DYM: variants seen among roughly 807,000 people sequenced by gnomAD.
DYM encodes the protein dymeclin, also known as dyggve-Melchior-Clausen syndrome protein.
In DYM, 78 loss-of-function variants were observed where a neutral mutation model predicts 93.1. The observed-to-expected ratio is 0.84, with a 90% CI of 0.70 to 1.01. DYM has a LOEUF of 1.01. DYM is among the 50% of genes least tolerant of loss of function. The pLI is 0.00. For missense variants in DYM, 789 were observed against 845.0 expected, an observed-to-expected ratio of 0.93 and a Z score of 0.82; for synonymous variants, 321 against 319.7, an observed-to-expected ratio of 1.00 and a Z score of -0.04.
At chr18:49,396,214 T>C (rs2070055547) in intron 2 of DYM, among the ~76,000 whole-genome samples, 1 of 152,224 alleles carries the variant, frequency 6.6e-6, no homozygotes, top group Non-Finnish European at 1.5e-5. Context: ...TATTTCTTTA[T>C]AGCAACACAA....
intron 6 of DYM, among the ~76,000 whole-genome samples, chr18:49,352,010 T>C (rs1421913681): frequency 6.6e-6 from 1 of 152,200 alleles, no homozygotes; most frequent in Non-Finnish European, 1.5e-5. Flanking sequence ...AGACTACACG[T>C]AGAACTTTCA....
intron 17 of DYM, among the ~76,000 whole-genome samples, chr18:49,091,859 C>T (rs1038643370): frequency 2.0e-5 from 3 of 151,982 alleles, no homozygotes; most frequent in East Asian, 3.9e-4. Flanking sequence ...GTGATCTGCC[C>T]GCCTCCAGCT....
intron 8 of DYM, among the ~76,000 whole-genome samples, chr18:49,303,241 C>A (rs1407492786): frequency 6.6e-6 from 1 of 152,206 alleles, no homozygotes; most frequent in East Asian, 1.9e-4. Context: ...TTGCCCCTTT[C>A]TTTATGGTTC....
intron 17 of DYM, among the ~76,000 whole-genome samples, chr18:49,055,474 G>A (rs554125916): frequency 6.6e-6 from 1 of 152,316 alleles, no homozygotes; most frequent in South Asian, 2.1e-4. Context: ...TAGGAGGCTG[G>A]GAGAAGGAGA....
At chr18:49,284,921 T>C (rs1297213538) in intron 9 of DYM, among the ~76,000 whole-genome samples, 3 of 152,200 alleles carry the variant, frequency 2.0e-5, no homozygotes. Context: ...GTAGGGCCTT[T>C]ACAGTGTGAT....
At chr18:49,048,049 T>C (rs1408716308) in intron 17 of DYM, 2 of 152,336 alleles carry the variant, frequency 1.3e-5, no homozygotes, top group East Asian at 1.9e-4. Flanking sequence ...TGGGTCTGAC[T>C]GTGTGCAAAG....
chr18:49,427,507 TA>T (rs1168859923), intron 2 of DYM, among the ~76,000 whole-genome samples: 1 of 152,112 alleles, frequency 6.6e-6, no homozygotes, highest in African/African-American at 2.4e-5. Flanking sequence ...AAAATTTAAA[TA>T]TGGAAAAATT....
chr18:49,256,206 A>C (rs1034298286), intron 13 of DYM, among the ~76,000 whole-genome samples: 2 of 152,154 alleles, frequency 1.3e-5, no homozygotes, highest in Non-Finnish European at 2.9e-5. Context: ...GGACTTATGA[A>C]TGTTACCTTA....
intron 11 of DYM, among the ~76,000 whole-genome samples, chr18:49,265,613 T>C (rs184450174): frequency 1.4e-3 from 211 of 151,888 alleles, no homozygotes; most frequent in Middle Eastern, 3.4e-3. Flanking sequence ...ACCCTGTCTC[T>C]ACTTAAAATA....
At chr18:49,406,061 T>C (rs1350147657) in intron 2 of DYM, among the ~76,000 whole-genome samples, 1 of 152,230 alleles carries the variant, frequency 6.6e-6, no homozygotes, top group Non-Finnish European at 1.5e-5. Flanking sequence ...CTACTGATTT[T>C]TGTACATTGA....
chr18:49,347,184 TC>T lies in DYM; in HGVS notation c.495-13332del, dbSNP rs2064674686. Among the ~76,000 whole-genome samples, 3 of 152,208 alleles carry T rather than the reference TC, an allele frequency of 2.0e-5. No individual in the cohort carries two copies. In the South Asian group the frequency reaches 6.2e-4, roughly 32 times the overall value. On this transcript the variant is annotated intron_variant, in intron 6 of 17. Transcript: ENST00000675505. ...CAAATTATCATTAAGTTGTAGGTCA[TC>T]CCTATATTTGTGAAAAATTATAAGG...
At chr18:49,269,724 T>G (rs914491078) in intron 11 of DYM, among the ~76,000 whole-genome samples, 1 of 152,222 alleles carries the variant, frequency 6.6e-6, no homozygotes, top group African/African-American at 2.4e-5. Context: ...ATTATTCATG[T>G]GTTTGTGGTG....
At chr18:49,080,384 G>A (rs2077794638) in intron 17 of DYM, among the ~76,000 whole-genome samples, 1 of 134,302 alleles carries the variant, frequency 7.4e-6, no homozygotes, top group Admixed American at 7.2e-5. Context: ...CCGGGCGAGG[G>A]GCTGAGCCCC....
At chr18:49,282,901 T>C (rs764248888) in intron 9 of DYM, among the ~76,000 whole-genome samples, 6 of 152,132 alleles carry the variant, frequency 3.9e-5, no homozygotes, top group Non-Finnish European at 8.8e-5. Context: ...TCTTTTAAGA[T>C]AGAATTAAAA....
At chr18:49,455,676 G>A (rs1287385791) in intron 1 of DYM, among the ~76,000 whole-genome samples, 1 of 152,198 alleles carries the variant, frequency 6.6e-6, no homozygotes, top group Non-Finnish European at 1.5e-5. Context: ...CAGAGGCCAG[G>A]CGCAGTGGCT....
At chr18:49,094,123 A>C (rs904111976) in intron 17 of DYM, among the ~76,000 whole-genome samples, 2 of 152,244 alleles carry the variant, frequency 1.3e-5, no homozygotes, top group African/African-American at 4.8e-5. Flanking sequence ...CTAGTTTTCA[A>C]ACACTAAATA....
intron 13 of DYM, among the ~76,000 whole-genome samples, chr18:49,233,000 A>G (rs2093752541): frequency 6.6e-6 from 1 of 152,172 alleles, no homozygotes; most frequent in Admixed American, 6.5e-5. Flanking sequence ...AGATCCATAT[A>G]ATACAAAAAT....
intron 16 of DYM, chr18:49,116,172 C>T (rs187516285): frequency 1.7e-4 from 26 of 152,314 alleles, no homozygotes; most frequent in Non-Finnish European, 2.8e-4. Flanking sequence ...GTAGTTCATT[C>T]GTAGTCCTCC....
chr18:49,188,847 A>T (rs188018242), intron 14 of DYM, among the ~76,000 whole-genome samples: 26 of 152,362 alleles, frequency 1.7e-4, no homozygotes, highest in African/African-American at 6.0e-4. Flanking sequence ...AATAATAAAA[A>T]AAAGAATATG....
Sources: allele counts gnomAD v4.1 joint callset (sites outside exome capture counted in the v4.1 genomes callset), GRCh38; gene constraint gnomAD v4.1.1; transcripts MANE v1.5; gene names NCBI Gene and HGNC (gene_info 2026-07-23, HGNC 2026-07-21).